NF1: variants seen among roughly 807,000 people sequenced by gnomAD.
NF1 encodes the protein neurofibromin 1.
NF1 carries 122 observed loss-of-function variants against 325.7 expected under a neutral mutation model. The observed-to-expected ratio is 0.37, with a 90% CI of 0.32 to 0.44. The LOEUF is 0.44. Among genes scored for constraint, NF1 ranks in the 20% least tolerant of loss-of-function variants. NF1 has a pLI of 1.00. For synonymous variants in NF1, 1,091 were observed against 1,186.0 expected (o/e 0.92, Z 1.65); for missense variants, 2,140 against 3,415.4 (o/e 0.63, Z 9.31).
intron 3 of NF1, among the ~76,000 whole-genome samples, chr17:31,159,424 C>A (rs1259724508): frequency 1.3e-5 from 2 of 152,074 alleles, no homozygotes; most frequent in African/African-American, 4.8e-5. Flanking sequence ...TGGGAGAGTG[C>A]GATTCAGAAG....
chr17:31,097,777 A>AC (rs1911892772), intron 1 of NF1, among the ~76,000 whole-genome samples: 1 of 151,870 alleles, frequency 6.6e-6, no homozygotes. Context: ...GTTCATTGCA[A>AC]CCCCTGCTTC....
chr17:31,213,878 G>A (rs1193261368), intron 12 of NF1, among the ~76,000 whole-genome samples: 1 of 152,058 alleles, frequency 6.6e-6, no homozygotes, highest in African/African-American at 2.4e-5. Flanking sequence ...TTGCCTACAT[G>A]TTTCATTAAT....
At chr17:31,183,137 C>G in intron 8 of NF1, 1 of 301,804 alleles carries the variant, frequency 3.3e-6, no homozygotes, top group Non-Finnish European at 6.1e-6. Flanking sequence ...TCGCATATAC[C>G]ATCTATAGTG....
chr17:31,122,429 A>G (rs1264557561), intron 1 of NF1, among the ~76,000 whole-genome samples: 2 of 152,354 alleles, frequency 1.3e-5, no homozygotes, highest in South Asian at 2.1e-4. Flanking sequence ...CTTTGATCCC[A>G]AAAGTTGTTT....
Position 31,356,556 on chromosome 17 carries a change from G to T in NF1, c.7712G>T (p.Arg2571Ile). The T allele has an allele frequency of 6.2e-7, 1 of 1,613,778 alleles. No individual in the cohort carries two copies. Among genetic ancestry groups the T allele is most frequent in the Non-Finnish European group, 8.5e-7 (1 of 1,179,776 alleles). The change falls in exon 52 of 58, where the codon AGA becomes ATA. Residue 2571 changes from arginine to isoleucine, a missense_variant. Transcript: ENST00000358273. ...SGITTPPKMR[R>I]VAETDYEMET... ...ATCACAACACCCCCCAAAATGAGGA[G>T]AGTAGCAGAAACTGATTATGAAATG...
At chr17:31,365,278 C>CAAAAAAAAAAAAAA (rs67659795) in intron 57 of NF1, among the ~76,000 whole-genome samples, 14 of 101,064 alleles carry the variant, frequency 1.4e-4, no homozygotes, top group African/African-American at 5.0e-4. Flanking sequence ...GAACCTATCT[C>CAAAAAAAAAAAAAA]AAAAAAAAAA....
chr17:31,095,461 G>A (rs2143148336), intron 1 of NF1, 92 bp downstream of exon 1: 1 of 1,254,838 alleles, frequency 8.0e-7, no homozygotes, highest in Non-Finnish European at 1.1e-6. Flanking sequence ...CTCCCCCGCG[G>A]CTGCCTCAGG....
At chr17:31,190,310 C>T (rs2066320956) in intron 8 of NF1, among the ~76,000 whole-genome samples, 1 of 152,002 alleles carries the variant, frequency 6.6e-6, no homozygotes, top group African/African-American at 2.4e-5. Context: ...TTTCTACTCA[C>T]ATTCCTTCTG....
intron 2 of NF1, among the ~76,000 whole-genome samples, chr17:31,158,032 A>G (rs2065696583): frequency 6.6e-6 from 1 of 152,066 alleles, no homozygotes; most frequent in African/African-American, 2.4e-5. Context: ...ACTAAGTCTT[A>G]TTCTTCCTAT....
chr17:31,146,665 T>C (rs1216538955), intron 1 of NF1, among the ~76,000 whole-genome samples: 1 of 152,342 alleles, frequency 6.6e-6, no homozygotes, highest in East Asian at 1.9e-4. Flanking sequence ...AATCAACATC[T>C]GGGAGTGAGG....
chr17:31,330,350 C>T lies in NF1; in HGVS notation c.5664C>T (p.Ile1888=), dbSNP rs373685150. The stretch of plus-strand genomic sequence containing the variant: ...TAACTTGTACCTTTAATTTAAAAAT[C>T]GAGGGCCAGTTACTAGAGACATCAG... ...CALTCTFNLK[I]EGQLLETSGL... Residue 1888 remains isoleucine (I), a synonymous_variant, in exon 39 of 58, where the codon ATC becomes ATT. Transcript: ENST00000358273. The T allele has an allele frequency of 1.2e-5, 20 of 1,613,836 alleles. No individual in the cohort carries two copies. Among genetic ancestry groups the T allele is most frequent in the African/African-American group, 1.1e-4 (8 of 74,882 alleles).
intron 14 of NF1, 38 bp from the exon 15 acceptor site, chr17:31,221,812 A>G (rs1359625830): frequency 2.1e-6 from 3 of 1,432,996 alleles, no homozygotes; most frequent in Non-Finnish European, 2.9e-6. Context: ...TGTTTGAGTG[A>G]GTCTTCTCTT....
chr17:31,226,992 A>G (rs1261747864), intron 18 of NF1, among the ~76,000 whole-genome samples: 1 of 152,184 alleles, frequency 6.6e-6, no homozygotes, highest in African/African-American at 2.4e-5. Flanking sequence ...ACATTGGCGT[A>G]TGTTTTGAGT....
At chr17:31,351,426 A>AT (rs1445173451) in intron 50 of NF1, among the ~76,000 whole-genome samples, 1 of 151,562 alleles carries the variant, frequency 6.6e-6, no homozygotes, top group Non-Finnish European at 1.5e-5. Context: ...TTCTTTATTA[A>AT]TTTTTTTTGA....
At chr17:31,371,243 A>G (rs2070632039) in intron 57 of NF1, among the ~76,000 whole-genome samples, 1 of 152,204 alleles carries the variant, frequency 6.6e-6, no homozygotes, top group South Asian at 2.1e-4. Flanking sequence ...TACCCTTCTC[A>G]GTGCCTTTAC....
rs761775121 is a variant in NF1 at position 31,219,120 on chromosome 17, TA to T, written c.1641+4del. ...GAGATTGCTCAGGAAGCAATGGAGGTAAGGGGAAAATGAATTCCATGTTCTT... is the reference window on the plus strand; with the variant it reads ...GAGATTGCTCAGGAAGCAATGGAGGTAGGGGAAAATGAATTCCATGTTCTT... On this transcript the variant is annotated splice_donor_region_variant and intron_variant, in intron 14 of 57. Transcript: ENST00000358273. The T allele has an allele frequency of 6.2e-7, 1 of 1,612,408 alleles. No homozygotes were observed. The highest frequency in any genetic ancestry group is 1.1e-5 in the South Asian group (1 of 90,764).
At chr17:31,283,657 T>C (rs2068168443) in intron 36 of NF1, among the ~76,000 whole-genome samples, 1 of 151,956 alleles carries the variant, frequency 6.6e-6, no homozygotes, top group South Asian at 2.1e-4. Context: ...CATGTCTAGC[T>C]GATTTTTGTA....
intron 30 of NF1, chr17:31,251,161 T>A (rs2067487171): frequency 5.0e-6 from 1 of 200,254 alleles, no homozygotes; most frequent in Non-Finnish European, 1.0e-5. Context: ...TTTGCTCTTT[T>A]GTTTTTATTC....
intron 1 of NF1, among the ~76,000 whole-genome samples, chr17:31,124,046 C>A (rs1174682540): frequency 6.6e-6 from 1 of 151,988 alleles, no homozygotes; most frequent in Non-Finnish European, 1.5e-5. Context: ...TGTCTTTAAA[C>A]CCCTCTCTGA....
Sources: gnomAD v4.1 joint callset for allele counts (sites outside exome capture counted in the v4.1 genomes callset) on GRCh38, gnomAD v4.1.1 for gene constraint, MANE v1.5 for transcripts, NCBI Gene and HGNC (gene_info 2026-07-23, HGNC 2026-07-21) for gene names.